The following FBXL7 variants were observed in gnomAD, a reference collection of about 807,000 sequenced individuals.
FBXL7 encodes the protein F-box and leucine rich repeat protein 7, also known as F-box/LRR-repeat protein 7.
FBXL7 carries 12 observed loss-of-function variants against 38.3 expected under a neutral mutation model. The ratio of observed to expected loss-of-function variants is 0.31; its 90% CI spans 0.20 to 0.51. The LOEUF is 0.51. FBXL7 is among the 20% of genes least tolerant of loss of function. FBXL7 has a pLI of 0.98. For synonymous variants in FBXL7, 297 were observed against 300.9 expected (o/e 0.99, Z 0.13); for missense variants, 567 against 676.4 (o/e 0.84, Z 1.79).
chr5:15,708,101 AT>A (rs1215823435), intron 2 of FBXL7, among the ~76,000 whole-genome samples: 1 of 151,828 alleles, frequency 6.6e-6, no homozygotes, highest in African/African-American at 2.4e-5. Context: ...TCTTCTTACC[AT>A]TTCTCCTTCA....
chr5:15,923,339 T>C (rs941826609), intron 2 of FBXL7, among the ~76,000 whole-genome samples: 1 of 152,152 alleles, frequency 6.6e-6, no homozygotes, highest in African/African-American at 2.4e-5. Flanking sequence ...ATAGAAATGG[T>C]CCTTGTTTTG....
At chr5:15,934,661 A>G (rs192516252) in intron 3 of FBXL7, among the ~76,000 whole-genome samples, 1 of 152,190 alleles carries the variant, frequency 6.6e-6, no homozygotes, top group Non-Finnish European at 1.5e-5. Context: ...AATAAAAGAC[A>G]TTATCATTAA....
chr5:15,584,393 C>T (rs1739241806), intron 1 of FBXL7, among the ~76,000 whole-genome samples: 1 of 152,184 alleles, frequency 6.6e-6, no homozygotes, highest in Non-Finnish European at 1.5e-5. Context: ...ACCATAAGTT[C>T]CAATTTCAGA....
At chr5:15,517,013 A>T (rs151028663) in intron 1 of FBXL7, among the ~76,000 whole-genome samples, 1 of 151,006 alleles carries the variant, frequency 6.6e-6, no homozygotes, top group Admixed American at 6.6e-5. Flanking sequence ...TTATTTTTTT[A>T]TTTTTATTTT....
chr5:15,576,327 A>T (rs1580380728), intron 1 of FBXL7, among the ~76,000 whole-genome samples: 1 of 151,316 alleles, frequency 6.6e-6, no homozygotes, highest in African/African-American at 2.4e-5. Flanking sequence ...CAGGTGATCC[A>T]CCCGCCTTGG....
intron 2 of FBXL7, among the ~76,000 whole-genome samples, chr5:15,708,506 G>A (rs949355117): frequency 1.9e-4 from 29 of 152,236 alleles, no homozygotes; most frequent in African/African-American, 7.0e-4. Context: ...TGGCATGCAA[G>A]AAGCTGAACT....
At chr5:15,617,955 C>G (rs1740508685) in intron 2 of FBXL7, among the ~76,000 whole-genome samples, 3 of 152,030 alleles carry the variant, frequency 2.0e-5, no homozygotes, top group African/African-American at 4.8e-5. Flanking sequence ...TTTTTTTAAG[C>G]TTTCTTATTT....
intron 2 of FBXL7, among the ~76,000 whole-genome samples, chr5:15,680,530 G>T (rs1742808443): frequency 6.6e-6 from 1 of 152,098 alleles, no homozygotes; most frequent in Non-Finnish European, 1.5e-5. Flanking sequence ...TTATCAGTTG[G>T]TTAAGTGTTT....
chr5:15,582,812 A>G (rs1739182189), intron 1 of FBXL7, among the ~76,000 whole-genome samples: 1 of 152,180 alleles, frequency 6.6e-6, no homozygotes, highest in Admixed American at 6.5e-5. Flanking sequence ...CTACTAATGA[A>G]GTTTCAGTCA....
At chr5:15,622,172 G>T (rs950070055) in intron 2 of FBXL7, among the ~76,000 whole-genome samples, 1 of 151,972 alleles carries the variant, frequency 6.6e-6, no homozygotes, top group African/African-American at 2.4e-5. Context: ...GTTTCACATG[G>T]TGTATTTGCT....
chr5:15,615,325 G>A (rs774146421), intron 1 of FBXL7, among the ~76,000 whole-genome samples: 6 of 152,076 alleles, frequency 3.9e-5, no homozygotes, highest in African/African-American at 7.2e-5. Flanking sequence ...ATTCTAAGAC[G>A]TTTAGCAACA....
At chr5:15,592,408 G>A (rs1739506901) in intron 1 of FBXL7, among the ~76,000 whole-genome samples, 1 of 152,146 alleles carries the variant, frequency 6.6e-6, no homozygotes, top group Non-Finnish European at 1.5e-5. Flanking sequence ...CTCTCACCTT[G>A]AAAATAGAGA....
chr5:15,936,902 G>C lies in FBXL7; in HGVS notation c.1192G>C (p.Ala398Pro). ...GITDHGVEYLAKNCTKLKSLD... is the reference protein window; with the variant it reads ...GITDHGVEYLPKNCTKLKSLD... ...CACGGACCACGGTGTGGAGTACCTC[G>C]CCAAGAACTGCACCAAACTCAAATC... Residue 398 changes from alanine (A) to proline (P), a missense_variant, in exon 4 of 4, where the codon GCC becomes CCC. Physicochemically the swap from Ala to Pro is conservative, Grantham distance 27. Coordinates refer to ENST00000504595, the MANE Select transcript of FBXL7 (RefSeq NM_012304.5). This position sits in a 1 kb window ranked among gnomAD's most constrained non-coding sequence, Gnocchi z 6.0. 6.2e-7 allele frequency: 1 copy of C among 1,614,002 alleles called. No individual in the cohort carries two copies. Among genetic ancestry groups the C allele is most frequent in the Non-Finnish European group, 8.5e-7 (1 of 1,179,884 alleles).
intron 1 of FBXL7, among the ~76,000 whole-genome samples, chr5:15,559,105 G>C (rs1738337145): frequency 6.6e-6 from 1 of 152,160 alleles, no homozygotes; most frequent in African/African-American, 2.4e-5. Flanking sequence ...TGTATAAGAA[G>C]CAAGTTGCAT....
chr5:15,640,513 T>C (rs1741326094), intron 2 of FBXL7, among the ~76,000 whole-genome samples: 1 of 150,986 alleles, frequency 6.6e-6, no homozygotes, highest in African/African-American at 2.4e-5. Flanking sequence ...TACTGGGGGT[T>C]AGGGCTTTGT....
rs1234679104 is a variant in FBXL7, at chr5:15,937,285, C to T, written c.*99C>T. The T allele has an allele frequency of 1.5e-6, 2 of 1,347,294 alleles. No homozygotes were observed. Among genetic ancestry groups the T allele is most frequent in the East Asian group, 2.5e-5 (1 of 39,472 alleles). The allele number at this position is 1,347,294 out of a possible 1,614,324, so 83.5% of individuals were successfully genotyped here. On this transcript the variant is annotated 3_prime_UTR_variant, in exon 4 of 4. Transcript: ENST00000504595. Reference sequence around the variant, plus strand: ...AAGCACCGACACCCACTCAAAACAGCTCTTTCTTCCGGGAAGGTTATTAGG... The same window carrying T: ...AAGCACCGACACCCACTCAAAACAGTTCTTTCTTCCGGGAAGGTTATTAGG...
chr5:15,765,942 C>T (rs1736575890), intron 2 of FBXL7, among the ~76,000 whole-genome samples: 1 of 152,140 alleles, frequency 6.6e-6, no homozygotes, highest in African/African-American at 2.4e-5. Flanking sequence ...ACAGCGGCTT[C>T]CTGGTTTCAG....
At chr5:15,770,452 A>G (rs762921578) in intron 2 of FBXL7, among the ~76,000 whole-genome samples, 12 of 152,200 alleles carry the variant, frequency 7.9e-5, no homozygotes, top group Non-Finnish European at 1.6e-4. Flanking sequence ...ACCCACCTTG[A>G]ATACAGCTAT....
At chr5:15,626,543 C>CGTGTGTGTGTGTGTGTGTGT (rs1554010324) in intron 2 of FBXL7, among the ~76,000 whole-genome samples, 1 of 103,672 alleles carries the variant, frequency 9.6e-6, no homozygotes, top group East Asian at 2.3e-4. Flanking sequence ...AAATTCGTTT[C>CGTGTGTGTGTGTGTGTGTGT]CTGTGTGTGT....
Sources: gnomAD v4.1 joint callset for allele counts (sites outside exome capture counted in the v4.1 genomes callset) on GRCh38, gnomAD v4.1.1 for gene constraint, Gnocchi (gnomAD v3.1) non-coding constraint, MANE v1.5 for transcripts, NCBI Gene and HGNC (gene_info 2026-07-23, HGNC 2026-07-21) for gene names.